The following CADM2 variants were observed in gnomAD, a reference collection of about 807,000 sequenced individuals.
CADM2 encodes cell adhesion molecule 2, also known as immunoglobulin superfamily member 4D.
In CADM2, 12 loss-of-function variants were observed where a neutral mutation model predicts 49.8. That is an observed-to-expected ratio of 0.24 (90% CI 0.15 to 0.39). CADM2 has a LOEUF of 0.39. CADM2 is among the 10% of genes least tolerant of loss of function. The pLI is 1.00. For missense variants in CADM2, 378 were observed against 492.3 expected, an observed-to-expected ratio of 0.77 and a Z score of 2.20; for synonymous variants, 214 against 175.4, an observed-to-expected ratio of 1.22 and a Z score of -1.74.
chr3:85,100,278 C>G (rs1383100764), intron 1 of CADM2, among the ~76,000 whole-genome samples: 1 of 152,166 alleles, frequency 6.6e-6, no homozygotes, highest in African/African-American at 2.4e-5. Flanking sequence ...TAATTAAGTT[C>G]TGCTTGTCTT....
intron 7 of CADM2, among the ~76,000 whole-genome samples, chr3:85,940,024 A>T (rs200882469): frequency 5.8e-5 from 1 of 17,242 alleles, no homozygotes; most frequent in African/African-American, 2.8e-3. Flanking sequence ...TAACAACAAC[A>T]AAAAAAAAAC....
intron 3 of CADM2, among the ~76,000 whole-genome samples, chr3:85,855,595 TATAAA>T (rs2075277885): frequency 9.2e-6 from 1 of 108,490 alleles, no homozygotes; most frequent in African/African-American, 5.5e-5. Flanking sequence ...CATATATATA[TATAAA>T]ACATATATAT....
At chr3:85,293,166 G>A (rs571606239) in intron 1 of CADM2, among the ~76,000 whole-genome samples, 8 of 152,166 alleles carry the variant, frequency 5.3e-5, no homozygotes, top group South Asian at 2.1e-4. Context: ...ACACCTCTAC[G>A]CAAATAAACT....
chr3:85,229,394 C>T (rs1398860540), intron 1 of CADM2, among the ~76,000 whole-genome samples: 2 of 152,120 alleles, frequency 1.3e-5, no homozygotes, highest in Non-Finnish European at 2.9e-5. Flanking sequence ...GGAAATCTCC[C>T]GACCCCTTGT....
At chr3:85,643,231 A>G (rs537311092) in intron 1 of CADM2, among the ~76,000 whole-genome samples, 1 of 152,298 alleles carries the variant, frequency 6.6e-6, no homozygotes, top group South Asian at 2.1e-4. Flanking sequence ...CTGCTTTACA[A>G]AATTGTATAA....
intron 1 of CADM2, among the ~76,000 whole-genome samples, chr3:85,720,207 T>C (rs2067448588): frequency 6.6e-6 from 1 of 151,834 alleles, no homozygotes; most frequent in South Asian, 2.1e-4. Context: ...CATTTGACTA[T>C]TTTTTTTGTC....
intron 7 of CADM2, among the ~76,000 whole-genome samples, chr3:85,943,327 G>C (rs4468988): frequency 0.66 from 82,660 of 125,152 alleles, 29,077 homozygotes; most frequent in African/African-American, 0.9. Context: ...TGTGCAGAAG[G>C]TCTTTAGTTT....
intron 1 of CADM2, among the ~76,000 whole-genome samples, chr3:84,995,657 G>T (rs2033143972): frequency 6.6e-6 from 1 of 152,150 alleles, no homozygotes; most frequent in South Asian, 2.1e-4. Flanking sequence ...GCCTACAAAA[G>T]AGATTACTAA....
At chr3:85,397,231 C>G (rs1305180403) in intron 1 of CADM2, among the ~76,000 whole-genome samples, 2 of 151,976 alleles carry the variant, frequency 1.3e-5, no homozygotes, top group Admixed American at 6.6e-5. Context: ...ATTAAGAAGG[C>G]TATTATATAA....
At chr3:85,162,969 G>A (rs2040372348) in intron 1 of CADM2, among the ~76,000 whole-genome samples, 1 of 151,774 alleles carries the variant, frequency 6.6e-6, no homozygotes, top group South Asian at 2.1e-4. Flanking sequence ...ACTATTGAAA[G>A]AATACAATTT....
chr3:85,637,621 A>AAATAAAACAAAATAAAATAAAAT (rs58472713), intron 1 of CADM2, among the ~76,000 whole-genome samples: 1 of 114,528 alleles, frequency 8.7e-6, no homozygotes, highest in Non-Finnish European at 1.7e-5. Context: ...AAAAAAAAAA[A>AAATAAAACAAAATAAAATAAAAT]AAAATAAAAT....
rs146712928 is a variant in CADM2 at position 85,443,080 on chromosome 3, C to G, written c.62-283442C>G. Among the ~76,000 whole-genome samples, 3 of 152,116 alleles carry G rather than the reference C, an allele frequency of 2.0e-5. No homozygotes were observed. The East Asian group carries it at 5.8e-4, about 29-fold the overall frequency. On this transcript the variant is annotated intron_variant, in intron 1 of 9. Coordinates refer to ENST00000383699, the MANE Select transcript of CADM2 (RefSeq NM_001167675.2). ...GTATCTTATAAAATAAACCAATACA[C>G]TTAATTGTTTCACAAGTTACATTAA...
intron 1 of CADM2, among the ~76,000 whole-genome samples, chr3:85,502,762 A>G (rs976381264): frequency 1.3e-5 from 2 of 152,170 alleles, no homozygotes; most frequent in Admixed American, 6.5e-5. Context: ...CCAGAGGCAA[A>G]AGTTGAAAGG....
Position 86,074,221 on chromosome 3 carries a change from G to C in CADM2, c.*7438G>C, listed in dbSNP as rs775442889. 6.6e-6 allele frequency: 1 copy of C among 151,814 alleles called. No homozygotes were observed. The highest frequency in any genetic ancestry group is 1.5e-5 in the Non-Finnish European group (1 of 67,846). The allele number at this position is 151,814 out of a possible 1,614,324, so 9.4% of individuals were successfully genotyped here. On this transcript the variant is annotated 3_prime_UTR_variant, in exon 10 of 10. Coordinates refer to ENST00000383699, the MANE Select transcript of CADM2 (RefSeq NM_001167675.2). ...TCCAACCTAAGCTTCTGCCAATAAG[G>C]ATTTCAGATAAGCTTTTAAATTTAT...
intron 1 of CADM2, among the ~76,000 whole-genome samples, chr3:85,645,221 A>G (rs2064845802): frequency 6.6e-6 from 1 of 152,054 alleles, no homozygotes; most frequent in East Asian, 1.9e-4. Context: ...ACTTTTCCCC[A>G]TATCATTTAG....
intron 1 of CADM2, among the ~76,000 whole-genome samples, chr3:85,574,892 T>G (rs1180073769): frequency 1.3e-5 from 2 of 152,132 alleles, no homozygotes; most frequent in African/African-American, 4.8e-5. Flanking sequence ...AGGCACCTGG[T>G]TGTGACCTAG....
intron 8 of CADM2, among the ~76,000 whole-genome samples, chr3:86,015,591 G>A (rs1328505026): frequency 2.6e-5 from 4 of 152,124 alleles, no homozygotes; most frequent in Admixed American, 1.3e-4. Flanking sequence ...AGAAATTACC[G>A]GAGAAAAGCT....
intron 1 of CADM2, among the ~76,000 whole-genome samples, chr3:85,695,425 T>A (rs1228156496): frequency 6.6e-6 from 1 of 152,064 alleles, no homozygotes; most frequent in Non-Finnish European, 1.5e-5. Context: ...AGTGAGAAAA[T>A]GTGTTATTTG....
At chr3:85,861,711 T>G (rs1245161291) in intron 3 of CADM2, among the ~76,000 whole-genome samples, 1 of 152,158 alleles carries the variant, frequency 6.6e-6, no homozygotes, top group Non-Finnish European at 1.5e-5. Context: ...GTAACAAATA[T>G]TTATTTGTCA....
Sources: gnomAD v4.1 joint callset for allele counts (sites outside exome capture counted in the v4.1 genomes callset) on GRCh38, gnomAD v4.1.1 for gene constraint, MANE v1.5 for transcripts, NCBI Gene and HGNC (gene_info 2026-07-23, HGNC 2026-07-21) for gene names.